GSE1: variants seen among roughly 807,000 people sequenced by gnomAD.
GSE1 encodes genetic suppressor element 1.
In GSE1, 32 loss-of-function variants were observed where a neutral mutation model predicts 112.6. The ratio of observed to expected loss-of-function variants is 0.28; its 90% CI spans 0.21 to 0.38. The LOEUF (loss-of-function observed/expected upper bound fraction) is 0.38. Ranked by LOEUF, GSE1 falls within the 10% of genes least tolerant of loss-of-function variation. GSE1 has a pLI of 1.00. For synonymous variants in GSE1, 1,115 were observed against 735.6 expected (o/e 1.52, Z -8.35); for missense variants, 2,348 against 1,699.2 (o/e 1.38, Z -6.71).
intron 1 of GSE1, among the ~76,000 whole-genome samples, chr16:85,314,623 C>T (rs2045948320): frequency 6.6e-6 from 1 of 152,226 alleles, no homozygotes; most frequent in African/African-American, 2.4e-5. Flanking sequence ...TTCCTCGCCC[C>T]ACTCCTTCCT....
intron 1 of GSE1, among the ~76,000 whole-genome samples, chr16:85,563,012 C>A (rs538828425): frequency 6.6e-6 from 1 of 152,190 alleles, no homozygotes; most frequent in African/African-American, 2.4e-5. Context: ...TAGGGGACCT[C>A]CTCAGCCAAA....
chr16:85,562,336 C>T (rs756066151), intron 1 of GSE1, among the ~76,000 whole-genome samples: 45 of 152,230 alleles, frequency 3.0e-4, no homozygotes, highest in African/African-American at 9.6e-4. Flanking sequence ...AGCCCTTTTC[C>T]GAGGGGCCTG....
chr16:85,662,792 G>C (rs796359278), intron 9 of GSE1, 189 bp from the exon 10 acceptor site: 1 of 564,078 alleles, frequency 1.8e-6, no homozygotes, highest in Non-Finnish European at 3.2e-6. Flanking sequence ...TGGTGTCTGC[G>C]GTCCTGCAAA....
At chr16:85,485,457 G>A (rs1474375862) in intron 2 of GSE1, among the ~76,000 whole-genome samples, 1 of 152,212 alleles carries the variant, frequency 6.6e-6, no homozygotes, top group Non-Finnish European at 1.5e-5. Context: ...TTCCTGGGCG[G>A]CAAAGGAGGG....
Position 85,571,300 on chromosome 16 carries a change from C to A in GSE1, c.37+14937C>A, listed in dbSNP as rs1598225124. Reference sequence around the variant, plus strand: ...GGACCTGCACCGCCTAATGTGGTGGCCACTAGCATAGATCCGTGGCTATCA... The same window carrying A: ...GGACCTGCACCGCCTAATGTGGTGGACACTAGCATAGATCCGTGGCTATCA... On this transcript the variant is annotated intron_variant, in intron 1 of 2. Transcript: ENST00000635906. Among the ~76,000 whole-genome samples, 5 of 152,308 alleles carry A rather than the reference C, an allele frequency of 3.3e-5. No individual in the cohort carries two copies. In the East Asian group the frequency reaches 9.6e-4, roughly 29 times the overall value.
intron 2 of GSE1, among the ~76,000 whole-genome samples, chr16:85,364,466 G>C (rs559047214): frequency 6.6e-6 from 1 of 152,324 alleles, no homozygotes; most frequent in African/African-American, 2.4e-5. Context: ...TCCGTGCTTA[G>C]CCTGCAGCCA....
chr16:85,469,251 C>CT (rs1181875425), intron 2 of GSE1, among the ~76,000 whole-genome samples: 5 of 143,628 alleles, frequency 3.5e-5, no homozygotes, highest in African/African-American at 1.4e-4. Context: ...AAAACTCCAT[C>CT]TAAAAAAAAA....
chr16:85,537,481 G>T (rs556139777), intron 2 of GSE1, among the ~76,000 whole-genome samples: 1 of 152,190 alleles, frequency 6.6e-6, no homozygotes, highest in Admixed American at 6.5e-5. Context: ...GGTCAACGGG[G>T]CTGCCCAGGC....
chr16:85,496,575 C>A (rs1215945386), intron 2 of GSE1, among the ~76,000 whole-genome samples: 5 of 152,222 alleles, frequency 3.3e-5, no homozygotes, highest in African/African-American at 9.6e-5. Context: ...CCACCGCTGG[C>A]AGCTTTTGCA....
At chr16:85,590,085 G>A (rs1420810418) in intron 1 of GSE1, among the ~76,000 whole-genome samples, 2 of 151,864 alleles carry the variant, frequency 1.3e-5, no homozygotes, top group Admixed American at 6.6e-5. Flanking sequence ...GTGAAGGTGT[G>A]TGTGAGGCGT....
At chr16:85,552,559 C>G (rs574646083), upstream of GSE1, among the ~76,000 whole-genome samples, 36 of 150,084 alleles carry the variant, frequency 2.4e-4, no homozygotes, top group South Asian at 6.6e-4. Flanking sequence ...GTCTCGATCT[C>G]CTGACCTCGT....
At chr16:85,547,686 G>T (rs2044747989) in intron 2 of GSE1, among the ~76,000 whole-genome samples, 1 of 151,570 alleles carries the variant, frequency 6.6e-6, no homozygotes, top group African/African-American at 2.4e-5. Flanking sequence ...TTCGAGACCA[G>T]CCTGGGCAAC....
chr16:85,633,258 T>C (rs1478923124), intron 1 of GSE1, among the ~76,000 whole-genome samples: 1 of 152,198 alleles, frequency 6.6e-6, no homozygotes, highest in Non-Finnish European at 1.5e-5. Flanking sequence ...TGTGGCCCCA[T>C]CTCTGGGACC....
chr16:85,538,490 G>C (rs1366370223), intron 2 of GSE1, among the ~76,000 whole-genome samples: 1 of 152,210 alleles, frequency 6.6e-6, no homozygotes, highest in Non-Finnish European at 1.5e-5. Context: ...CTCCTGGCAT[G>C]TACCGTCTTG....
chr16:85,175,787 G>C (rs747619858), intron 1 of GSE1, among the ~76,000 whole-genome samples: 1 of 152,198 alleles, frequency 6.6e-6, no homozygotes, highest in Non-Finnish European at 1.5e-5. Context: ...CACTTCACCT[G>C]TATTCACACA....
chr16:85,572,631 T>C (rs2046057509), intron 1 of GSE1, among the ~76,000 whole-genome samples: 1 of 152,266 alleles, frequency 6.6e-6, no homozygotes, highest in East Asian at 1.9e-4. Context: ...GGTTAAATGA[T>C]GTGCCTGGGA....
intron 1 of GSE1, among the ~76,000 whole-genome samples, chr16:85,186,921 C>T (rs2074715166): frequency 6.8e-6 from 1 of 148,008 alleles, no homozygotes; most frequent in African/African-American, 2.7e-5. Context: ...GTAAACAGGA[C>T]CCTCTGACGG....
intron 1 of GSE1, among the ~76,000 whole-genome samples, chr16:85,567,794 C>T (rs946852748): frequency 6.6e-6 from 1 of 152,218 alleles, no homozygotes; most frequent in Admixed American, 6.5e-5. Flanking sequence ...GCGATCTCAG[C>T]TCACTGCAGC....
chr16:85,206,836 C>T (rs916177743), intron 1 of GSE1, among the ~76,000 whole-genome samples: 1 of 151,660 alleles, frequency 6.6e-6, no homozygotes, highest in Non-Finnish European at 1.5e-5. Context: ...GCTTCCCTGC[C>T]CACCGCCCCC....
Sources: gnomAD v4.1 joint callset for allele counts (sites outside exome capture counted in the v4.1 genomes callset) on GRCh38, gnomAD v4.1.1 for gene constraint, MANE v1.5 for transcripts, NCBI Gene and HGNC (gene_info 2026-07-23, HGNC 2026-07-21) for gene names.